LARGE1: variants seen among roughly 807,000 people sequenced by gnomAD.
LARGE1 encodes xylosyl- and glucuronyltransferase LARGE1.
LARGE1 carries 43 observed loss-of-function variants against 87.6 expected under a neutral mutation model. The observed-to-expected ratio is 0.49, with a 90% confidence interval of 0.38 to 0.63. The LOEUF (loss-of-function observed/expected upper bound fraction) is 0.63, where lower values mean the gene tolerates loss of function less well. LARGE1 is among the 30% of genes least tolerant of loss of function. The pLI is 0.00. For synonymous variants in LARGE1, 434 were observed against 394.6 expected (o/e 1.10, Z -1.18); for missense variants, 802 against 1,000.2 (o/e 0.80, Z 2.67).
intron 3 of LARGE1, among the ~76,000 whole-genome samples, chr22:33,646,064 C>T (rs531189877): frequency 6.6e-6 from 1 of 152,174 alleles, no homozygotes; most frequent in East Asian, 1.9e-4. Flanking sequence ...CCAGAAATAC[C>T]ATTTGACCCA....
chr22:33,842,270 CACTT>C (rs1340014574), intron 1 of LARGE1, among the ~76,000 whole-genome samples: 4 of 152,144 alleles, frequency 2.6e-5, no homozygotes, highest in Admixed American at 1.3e-4. Context: ...TCGAAAATGA[CACTT>C]ACTATTCAGC....
chr22:33,579,038 G>A (rs2078434943), intron 5 of LARGE1, among the ~76,000 whole-genome samples: 2 of 152,178 alleles, frequency 1.3e-5, no homozygotes, highest in South Asian at 4.1e-4. Flanking sequence ...GGAAACATAT[G>A]TCCAGACCCA....
At chr22:33,722,122 G>A (rs891955547) in intron 2 of LARGE1, among the ~76,000 whole-genome samples, 14 of 151,954 alleles carry the variant, frequency 9.2e-5, no homozygotes, top group African/African-American at 3.4e-4. Flanking sequence ...GCGTGGTGGT[G>A]GGCATCTGTA....
At chr22:33,511,755 A>C (rs1296628902) in intron 6 of LARGE1, among the ~76,000 whole-genome samples, 3 of 152,232 alleles carry the variant, frequency 2.0e-5, no homozygotes, top group African/African-American at 7.2e-5. Context: ...TTGTAAGACA[A>C]ATCTGAGTTA....
intron 9 of LARGE1, among the ~76,000 whole-genome samples, chr22:33,375,182 T>C (rs954276271): frequency 6.6e-6 from 1 of 152,196 alleles, no homozygotes; most frequent in African/African-American, 2.4e-5. Context: ...CTTAAATGTT[T>C]TGTTTTCCAG....
At chr22:33,862,020 G>A (rs951473300) in intron 1 of LARGE1, among the ~76,000 whole-genome samples, 19 of 151,830 alleles carry the variant, frequency 1.3e-4, no homozygotes, top group Admixed American at 7.2e-4. Flanking sequence ...CACCATGCCC[G>A]GCTCATTTTT....
rs139840624 is a variant in LARGE1 at position 33,706,687 on chromosome 22, T to C, written c.106+54684A>G. ...TCAGCAAATCCAGACAGAAGATACC[T>C]GGGCCTCAGATCATTTGCATAGCTA... On this transcript the variant is annotated intron_variant, in intron 2 of 14. Coordinates refer to ENST00000397394, the MANE Select transcript of LARGE1 (RefSeq NM_133642.5). Among the ~76,000 whole-genome samples the C allele has an allele frequency of 7.1e-4, 108 of 152,382 alleles. 1 individual carries two copies. Among genetic ancestry groups the C allele is most frequent in the African/African-American group, 2.2e-3 (93 of 41,594 alleles).
chr22:33,837,241 T>TAG (rs1282049427), intron 1 of LARGE1, among the ~76,000 whole-genome samples: 2 of 127,728 alleles, frequency 1.6e-5, no homozygotes, highest in East Asian at 4.8e-4. Context: ...ATATATGGAG[T>TAG]AGAGAGTATT....
At chr22:33,836,603 C>T (rs918105505) in intron 1 of LARGE1, among the ~76,000 whole-genome samples, 5 of 152,138 alleles carry the variant, frequency 3.3e-5, no homozygotes, top group Non-Finnish European at 5.9e-5. Flanking sequence ...CACACCCAGG[C>T]ATCTCAGCTG....
intron 6 of LARGE1, among the ~76,000 whole-genome samples, chr22:33,492,523 G>C (rs901407273): frequency 6.6e-6 from 1 of 152,188 alleles, no homozygotes; most frequent in East Asian, 1.9e-4. Context: ...AAGCCTCTAA[G>C]TAACAAACTC....
At chr22:33,613,172 C>T (rs2079489622) in intron 4 of LARGE1, among the ~76,000 whole-genome samples, 1 of 152,214 alleles carries the variant, frequency 6.6e-6, no homozygotes, top group South Asian at 2.1e-4. Flanking sequence ...GGCGGGCTAA[C>T]TATCAGCAGC....
the LARGE1 span, among the ~76,000 whole-genome samples, chr22:33,101,011 A>T: frequency 6.6e-6 from 1 of 151,620 alleles, no homozygotes; most frequent in Admixed American, 6.6e-5. Context: ...ACACCCGGCT[A>T]ATTTTTTATT....
chr22:33,196,718 G>C (rs1303895494), intron 11 of LARGE1, among the ~76,000 whole-genome samples: 1 of 151,926 alleles, frequency 6.6e-6, no homozygotes, highest in Non-Finnish European at 1.5e-5. Context: ...ATGAGGAAGA[G>C]AGAGGGAGAG....
rs147152924 is a variant in LARGE1, at chr22:33,853,987, G to A, written c.-83+66008C>T. On this transcript the variant is annotated intron_variant, in intron 1 of 14. Transcript: ENST00000397394. Reference sequence around the variant, plus strand: ...TCCCAACTGAGTCCCTACTGGGCAGGCTCGTGGCCAGCCAGATGCCCAGAC... The same window carrying A: ...TCCCAACTGAGTCCCTACTGGGCAGACTCGTGGCCAGCCAGATGCCCAGAC... Among the ~76,000 whole-genome samples, 65 of 152,154 alleles carry A rather than the reference G, an allele frequency of 4.3e-4. 2 individuals carry two copies. The East Asian group carries it at 0.012, about 29-fold the overall frequency.
chr22:33,402,117 C>T (rs2065944518), intron 7 of LARGE1, among the ~76,000 whole-genome samples: 1 of 152,170 alleles, frequency 6.6e-6, no homozygotes, highest in Non-Finnish European at 1.5e-5. Flanking sequence ...TTTTTACAAA[C>T]AAGGAAACTG....
At chr22:33,452,984 C>T (rs966992917) in intron 6 of LARGE1, among the ~76,000 whole-genome samples, 1 of 152,196 alleles carries the variant, frequency 6.6e-6, no homozygotes, top group East Asian at 1.9e-4. Context: ...AGCAAGGAAC[C>T]AGAGAATGCT....
At chr22:33,266,994 C>G (rs1370834879) in intron 11 of LARGE1, among the ~76,000 whole-genome samples, 1 of 151,696 alleles carries the variant, frequency 6.6e-6, no homozygotes, top group Non-Finnish European at 1.5e-5. Flanking sequence ...AATCCCAGCA[C>G]TTTGGGAGTC....
Position 33,464,892 on chromosome 22 carries a change from TAC to T in LARGE1, c.788-32629_788-32628del, listed in dbSNP as rs34436418. On this transcript the variant is annotated intron_variant, in intron 6 of 14. Transcript: ENST00000397394. ...CACACTGCACACACATGCACACACATACACACACACACACATACACATGCACA... is the reference window on the plus strand; with the variant it reads ...CACACTGCACACACATGCACACACATACACACACACACATACACATGCACA... 1.7e-3 allele frequency among the ~76,000 whole-genome samples: 237 copies of T among 139,466 alleles called. 1 individual carries two copies. Among genetic ancestry groups the T allele is most frequent in the East Asian group, 3.8e-3 (18 of 4,688 alleles). The allele number at this position is 139,466 out of a possible 152,430, so 91.5% of individuals were successfully genotyped here.
chr22:33,150,794 T>C, the LARGE1 span, among the ~76,000 whole-genome samples: 1 of 152,222 alleles, frequency 6.6e-6, no homozygotes. Context: ...CTCTGTTCTA[T>C]TTTATTGATG....
Sources: gnomAD v4.1 joint callset for allele counts (sites outside exome capture counted in the v4.1 genomes callset) on GRCh38, gnomAD v4.1.1 for gene constraint, MANE v1.5 for transcripts, NCBI Gene and HGNC (gene_info 2026-07-23, HGNC 2026-07-21) for gene names.